ATP11C: variants seen among roughly 807,000 people sequenced by gnomAD.
ATP11C encodes ATPase phospholipid transporting 11C (ATP11C blood group).
ATP11C carries 36 observed loss-of-function variants against 97.4 expected under a neutral mutation model. The observed-to-expected ratio is 0.37, with a 90% CI of 0.28 to 0.49. ATP11C has a LOEUF of 0.49. ATP11C is among the 20% of genes least tolerant of loss of function. The pLI is 0.98. For synonymous variants in ATP11C, 275 were observed against 290.9 expected (o/e 0.95, Z 0.56); for missense variants, 730 against 824.6 (o/e 0.89, Z 1.40).
intron 1 of ATP11C, among the ~76,000 whole-genome samples, chrX:139,873,831 T>G (rs1418140528): frequency 9.3e-6 from 1 of 107,553 alleles, no homozygotes; most frequent in African/African-American, 3.4e-5. Flanking sequence ...AAAAAGTTGA[T>G]TGGCTCCAAA....
At chrX:139,896,619 GTCTCTCTCTCTCTCTCTCTC>G (rs202000678) in intron 1 of ATP11C, among the ~76,000 whole-genome samples, 3 of 90,885 alleles carry the variant, frequency 3.3e-5, no homozygotes, top group African/African-American at 1.3e-4. Flanking sequence ...TTGAGAAAGA[GTCTCTCTCTCTCTCTCTCTC>G]TCTCTCTCTC....
intron 28 of ATP11C, among the ~76,000 whole-genome samples, chrX:139,737,326 A>T (rs1161139124): frequency 9.0e-6 from 1 of 111,608 alleles, no homozygotes; most frequent in Non-Finnish European, 1.9e-5. Flanking sequence ...ATTTAATAGG[A>T]AAAATAAAAA....
chrX:139,772,439 A>C (rs915293936), intron 19 of ATP11C, among the ~76,000 whole-genome samples: 3 of 111,512 alleles, frequency 2.7e-5, no homozygotes, highest in Non-Finnish European at 5.6e-5. Flanking sequence ...CTATGAGAAG[A>C]GGGCCACCAT....
At chrX:139,922,678 C>T (rs1207169856) in intron 1 of ATP11C, among the ~76,000 whole-genome samples, 1 of 111,499 alleles carries the variant, frequency 9.0e-6, no homozygotes, top group Non-Finnish European at 1.9e-5. Context: ...GCCCCCTCAC[C>T]AGTACCCAAC....
At chrX:139,774,652 C>A (rs1254103631) in intron 19 of ATP11C, 38 bp downstream of exon 19, 2 of 1,129,619 alleles carry the variant, frequency 1.8e-6, no homozygotes, top group Admixed American at 4.6e-5. Context: ...TACATCTACA[C>A]CAATGTCTAA....
chrX:139,918,868 T>C (rs1407153955), intron 1 of ATP11C, among the ~76,000 whole-genome samples: 3 of 110,915 alleles, frequency 2.7e-5, no homozygotes, highest in Non-Finnish European at 5.7e-5. Context: ...ATCTGTTGCA[T>C]ACAATGTGAA....
rs113839593 is a variant in ATP11C, at chrX:139,930,363, TA to T, written c.27+1652del. ...GTTCGGTTTCAAATGTTCAAATCCT[TA>T]AAAAAAAAAAAAAAGGATTTCAACA... On this transcript the variant is annotated intron_variant, in intron 1 of 29. Coordinates refer to ENST00000682941, the MANE Select transcript of ATP11C (RefSeq NM_001353812.2). Among the ~76,000 whole-genome samples, 612 of 94,070 alleles carry T rather than the reference TA, an allele frequency of 6.5e-3. 3 individuals carry two copies. Among genetic ancestry groups the T allele is most frequent in the African/African-American group, 0.011 (296 of 25,855 alleles). 81.7% of individuals were successfully genotyped at this position (94,070 alleles called of 115,157 possible). A position where few individuals can be genotyped will look rare whatever the true frequency, so the allele number is the denominator to read the frequency against.
chrX:139,786,717 T>C (rs944976272), intron 15 of ATP11C, among the ~76,000 whole-genome samples: 1 of 112,534 alleles, frequency 8.9e-6, no homozygotes, highest in African/African-American at 3.2e-5. Flanking sequence ...CACTGGAGCA[T>C]CAGAGTACTT....
At chrX:139,926,187 A>G (rs1569493693) in intron 1 of ATP11C, among the ~76,000 whole-genome samples, 1 of 111,771 alleles carries the variant, frequency 8.9e-6, no homozygotes, top group Non-Finnish European at 1.9e-5. Flanking sequence ...GTGGAAGCCC[A>G]GAACCTCCCT....
intron 1 of ATP11C, among the ~76,000 whole-genome samples, chrX:139,895,984 AG>A (rs1003791084): frequency 1.1e-4 from 12 of 111,695 alleles, no homozygotes; most frequent in Admixed American, 7.7e-4. Context: ...TACACTTAGA[AG>A]AAATAAGACC....
In ATP11C at chrX:139,778,663, T is replaced by C. The variant is rs186449216; in HGVS notation, c.1953-3710A>G. On this transcript the variant is annotated intron_variant, in intron 18 of 29. Coordinates refer to ENST00000682941, the MANE Select transcript of ATP11C (RefSeq NM_001353812.2). ...GGCCAACATGGTGAAACCCCGTCTC[T>C]ACTAAAACTACAAAAATTAGCTGAG... Among the ~76,000 whole-genome samples, 21 of 111,472 alleles carry C rather than the reference T, an allele frequency of 1.9e-4. No individual in the cohort carries two copies. In the East Asian group the frequency reaches 5.7e-3, roughly 30 times the overall value.
At chrX:139,835,293 A>G (rs764904829) in intron 1 of ATP11C, among the ~76,000 whole-genome samples, 2 of 112,024 alleles carry the variant, frequency 1.8e-5, no homozygotes, top group South Asian at 7.5e-4. Flanking sequence ...ATAGCCTTCT[A>G]CCATCAATCG....
chrX:139,873,173 A>G (rs2084405263), intron 1 of ATP11C, among the ~76,000 whole-genome samples: 1 of 112,721 alleles, frequency 8.9e-6, no homozygotes, highest in African/African-American at 3.2e-5. Flanking sequence ...AATTCAATAG[A>G]AAGCTACTGG....
At chrX:139,759,722 T>C (rs2148667429) in intron 22 of ATP11C, among the ~76,000 whole-genome samples, 1 of 111,482 alleles carries the variant, frequency 9.0e-6, no homozygotes, top group South Asian at 3.8e-4. Flanking sequence ...AAGATAGTAA[T>C]AAAAAAGAAA....
rs750888178 is a variant in ATP11C at position 139,848,502 on chromosome X, T to G, written c.28-21679A>C. Among the ~76,000 whole-genome samples the G allele has an allele frequency of 2.7e-5, 3 of 110,525 alleles. No homozygotes were observed. In the East Asian group the frequency reaches 8.6e-4, roughly 32 times the overall value. ...TCTACTCTCTTTTTTGTTTTTTTTT[T>G]TTAAGAGACAGGGGTCTCACTATGT... On this transcript the variant is annotated intron_variant, in intron 1 of 29. Coordinates refer to ENST00000682941, the MANE Select transcript of ATP11C (RefSeq NM_001353812.2).
At chrX:139,861,663 T>A (rs2084198291) in intron 1 of ATP11C, among the ~76,000 whole-genome samples, 3 of 110,697 alleles carry the variant, frequency 2.7e-5, no homozygotes, top group African/African-American at 9.9e-5. Context: ...CCAAAATTTG[T>A]ATCTCAATGG....
intron 1 of ATP11C, among the ~76,000 whole-genome samples, chrX:139,857,048 G>A (rs1034786027): frequency 4.5e-5 from 5 of 111,985 alleles, no homozygotes; most frequent in Non-Finnish European, 9.4e-5. Context: ...TTACAGGATG[G>A]CTAGAAAAGT....
intron 1 of ATP11C, chrX:139,832,024 A>G (rs1040632253): frequency 6.1e-6 from 4 of 660,853 alleles, no homozygotes; most frequent in Admixed American, 7.4e-5. Flanking sequence ...AAATCCAGCT[A>G]ACCATTTACG....
chrX:139,827,492 TA>T (rs754753954), intron 1 of ATP11C, among the ~76,000 whole-genome samples: 61 of 111,664 alleles, frequency 5.5e-4, no homozygotes, highest in Non-Finnish European at 1.1e-3. Flanking sequence ...TCACCGAACC[TA>T]AAAGTTTCAA....
Sources: allele counts gnomAD v4.1 joint callset (sites outside exome capture counted in the v4.1 genomes callset), GRCh38; gene constraint gnomAD v4.1.1; transcripts MANE v1.5; gene names NCBI Gene and HGNC (gene_info 2026-07-23, HGNC 2026-07-21).